Variants in BTC observed in about 807,000 individuals in gnomAD.
The protein encoded by BTC is betacellulin.
A neutral mutation model predicts 18.1 loss-of-function variants in BTC; 13 were observed. That is an observed-to-expected ratio of 0.72 (90% CI 0.47 to 1.14). The LOEUF (loss-of-function observed/expected upper bound fraction) is 1.14. Ranked by LOEUF, BTC falls within the 50% of genes most tolerant of loss-of-function variation. The pLI, the probability that BTC is intolerant of heterozygous loss-of-function variation, is 0.00. For missense variants in BTC, 247 were observed against 224.2 expected (o/e 1.10, Z -0.65); for synonymous variants, 83 against 79.4 (o/e 1.05, Z -0.24).
intron 1 of BTC, among the ~76,000 whole-genome samples, chr4:74,773,983 G>T (rs1725114846): frequency 6.6e-6 from 1 of 152,156 alleles, no homozygotes; most frequent in Non-Finnish European, 1.5e-5. Context: ...ATAGGATAGA[G>T]AATCAACTCT....
intron 2 of BTC, among the ~76,000 whole-genome samples, chr4:74,760,520 G>T (rs1245450593): frequency 6.6e-6 from 1 of 152,152 alleles, no homozygotes; most frequent in Non-Finnish European, 1.5e-5. Context: ...TCTCTGGTCA[G>T]GGAAATGTAA....
At chr4:74,766,531 T>G (rs1299187522) in intron 2 of BTC, among the ~76,000 whole-genome samples, 1 of 152,000 alleles carries the variant, frequency 6.6e-6, no homozygotes, top group East Asian at 1.9e-4. Context: ...AACAGATAAA[T>G]TCCTAGAAAC....
At chr4:74,792,431 C>A (rs989249151) in intron 1 of BTC, among the ~76,000 whole-genome samples, 4 of 152,188 alleles carry the variant, frequency 2.6e-5, no homozygotes, top group Non-Finnish European at 5.9e-5. Context: ...CCAAGTAGCT[C>A]ATGCCCAGAT....
At chr4:74,788,471 T>C (rs1725540151) in intron 1 of BTC, among the ~76,000 whole-genome samples, 5 of 152,230 alleles carry the variant, frequency 3.3e-5, no homozygotes, top group Admixed American at 3.3e-4. Flanking sequence ...ATTGAACTAT[T>C]ATACAATGTT....
intron 1 of BTC, among the ~76,000 whole-genome samples, chr4:74,786,728 C>T (rs1212398760): frequency 6.6e-6 from 1 of 152,104 alleles, no homozygotes; most frequent in Non-Finnish European, 1.5e-5. Flanking sequence ...AACTTAGACA[C>T]TTATTTTAAA....
chr4:74,746,128 A>G lies in BTC; in HGVS notation c.*549T>C, dbSNP rs1553955462. ...ATGATGGTTAAGAGCATAGATTTTGATTTAGATAAATCTTGATTTCTAGTC... is the reference window on the plus strand; with the variant it reads ...ATGATGGTTAAGAGCATAGATTTTGGTTTAGATAAATCTTGATTTCTAGTC... On this transcript the variant is annotated 3_prime_UTR_variant, in exon 6 of 6. Coordinates refer to ENST00000395743, the MANE Select transcript of BTC (RefSeq NM_001729.4). 6.6e-6 allele frequency: 1 copy of G among 152,160 alleles called. No individual in the cohort carries two copies. Among genetic ancestry groups the G allele is most frequent in the Non-Finnish European group, 1.5e-5 (1 of 68,016 alleles). 9.4% of individuals were successfully genotyped at this position (152,160 alleles called of 1,614,324 possible).
chr4:74,794,352 C>T lies in BTC; in HGVS notation c.-27G>A. 6.6e-7 allele frequency: 1 copy of T among 1,524,792 alleles called. No individual in the cohort carries two copies. Among genetic ancestry groups the T allele is most frequent in the East Asian group, 2.5e-5 (1 of 39,978 alleles). 94.5% of individuals were successfully genotyped at this position (1,524,792 alleles called of 1,614,324 possible). Reference sequence around the variant, plus strand: ...AACCCCGCTCTGCCGGGCCGGGCAGCCCCTAGACAAGTCTCCCTCCTTCTT... The same window carrying T: ...AACCCCGCTCTGCCGGGCCGGGCAGTCCCTAGACAAGTCTCCCTCCTTCTT... On this transcript the variant is annotated 5_prime_UTR_variant, in exon 1 of 6. Coordinates refer to ENST00000395743, the MANE Select transcript of BTC (RefSeq NM_001729.4).
At chr4:74,776,739 G>A (rs763172209) in intron 1 of BTC, among the ~76,000 whole-genome samples, 1 of 152,126 alleles carries the variant, frequency 6.6e-6, no homozygotes, top group Non-Finnish European at 1.5e-5. Flanking sequence ...AACTTAAACA[G>A]TCATGTGCGT....
intron 3 of BTC, among the ~76,000 whole-genome samples, chr4:74,754,468 G>A (rs555019367): frequency 6.6e-6 from 1 of 152,260 alleles, no homozygotes; most frequent in Admixed American, 6.5e-5. Context: ...ATCTAACTCA[G>A]ACCTGAGTGT....
intron 2 of BTC, among the ~76,000 whole-genome samples, chr4:74,766,386 T>A (rs750021394): frequency 8.5e-5 from 13 of 152,128 alleles, no homozygotes; most frequent in Non-Finnish European, 1.5e-4. Flanking sequence ...ACAAACACAC[T>A]GTACAGCTCT....
chr4:74,759,250 G>C (rs1553957052), intron 2 of BTC, among the ~76,000 whole-genome samples: 2 of 151,204 alleles, frequency 1.3e-5, no homozygotes, highest in African/African-American at 2.5e-5. Flanking sequence ...ATAGGGATTG[G>C]TCCTAAGTGT....
chr4:74,749,413 C>T (rs1724386685), intron 4 of BTC, among the ~76,000 whole-genome samples: 1 of 151,706 alleles, frequency 6.6e-6, no homozygotes, highest in African/African-American at 2.4e-5. Context: ...GAGCCAAGAT[C>T]ACGCCGTTGC....
At chr4:74,790,858 G>A (rs867848735) in intron 1 of BTC, among the ~76,000 whole-genome samples, 2 of 152,342 alleles carry the variant, frequency 1.3e-5, no homozygotes, top group Middle Eastern at 6.8e-3. Context: ...CCAAGAATCT[G>A]TCAGAGAATA....
chr4:74,748,517 C>T (rs1423867145), intron 4 of BTC, among the ~76,000 whole-genome samples: 1 of 151,360 alleles, frequency 6.6e-6, no homozygotes, highest in Non-Finnish European at 1.5e-5. Flanking sequence ...GCCTGGGCGA[C>T]AGAGTGAGAC....
At chr4:74,748,015 C>T (rs1724335336) in intron 5 of BTC, 25 bp downstream of exon 5, 1 of 1,385,706 alleles carries the variant, frequency 7.2e-7, no homozygotes, top group African/African-American at 1.5e-5. Flanking sequence ...GAATAGTTTT[C>T]TATCAGCAAG....
At chr4:74,779,931 A>C (rs1725274475) in intron 1 of BTC, among the ~76,000 whole-genome samples, 1 of 152,146 alleles carries the variant, frequency 6.6e-6, no homozygotes, top group Admixed American at 6.5e-5. Context: ...TTTAGAACAT[A>C]AATTATCTTG....
intron 1 of BTC, among the ~76,000 whole-genome samples, chr4:74,791,800 T>A (rs150317459): frequency 6.6e-6 from 1 of 152,178 alleles, no homozygotes; most frequent in East Asian, 1.9e-4. Context: ...TTGAAAAGAA[T>A]GTGACATGGA....
In BTC at chr4:74,763,122, A is replaced by G. The variant is rs1018577799; in HGVS notation, c.163+6936T>C. On this transcript the variant is annotated intron_variant, in intron 2 of 5. Coordinates refer to ENST00000395743, the MANE Select transcript of BTC (RefSeq NM_001729.4). ...CTCCATCTCTAGATAATATTTCTCAAATAGTAAAATGTATAACTGTTTTTA... is the reference window on the plus strand; with the variant it reads ...CTCCATCTCTAGATAATATTTCTCAGATAGTAAAATGTATAACTGTTTTTA... Among the ~76,000 whole-genome samples the G allele has an allele frequency of 2.6e-5, 4 of 152,282 alleles. 1 individual carries two copies. Among genetic ancestry groups the G allele is most frequent in the Admixed American group, 2.6e-4 (4 of 15,290 alleles).
chr4:74,773,964 G>A (rs964769825), intron 1 of BTC, among the ~76,000 whole-genome samples: 3 of 147,604 alleles, frequency 2.0e-5, no homozygotes, highest in Non-Finnish European at 4.4e-5. Context: ...CGATGATAAT[G>A]CAGAAGTAAT....
Sources: gnomAD v4.1 joint callset for allele counts (sites outside exome capture counted in the v4.1 genomes callset) on GRCh38, gnomAD v4.1.1 for gene constraint, MANE v1.5 for transcripts, NCBI Gene and HGNC (gene_info 2026-07-23, HGNC 2026-07-21) for gene names.